PUM1: variants seen among roughly 807,000 people sequenced by gnomAD.
The protein encoded by PUM1 is pumilio homolog 1.
In PUM1, 13 loss-of-function variants were observed where a neutral mutation model predicts 131.8. The observed-to-expected ratio is 0.10, with a 90% CI of 0.06 to 0.16. The LOEUF (loss-of-function observed/expected upper bound fraction) is 0.16, where lower values mean the gene tolerates loss of function less well. Ranked by LOEUF, PUM1 falls within the 10% of genes least tolerant of loss-of-function variation. The pLI is 1.00. For synonymous variants in PUM1, 509 were observed against 556.5 expected (o/e 0.91, Z 1.20); for missense variants, 961 against 1,512.4 (o/e 0.64, Z 6.05).
At position 30,965,862 on chromosome 1, in the gene PUM1, G is replaced by A; in HGVS notation, c.2086+120C>T. ...ATCATCTCACAGATTATGTGGGATG[G>A]CTGGATTCCCACAAGGCTTGGTCCA... On this transcript the variant is annotated intron_variant, in intron 13 of 21. Transcript: ENST00000426105. 3 of 1,034,082 alleles carry A rather than the reference G, an allele frequency of 2.9e-6. No homozygotes were observed. The South Asian group carries it at 5.1e-5, about 18-fold the overall frequency. 64.1% of individuals were successfully genotyped at this position (1,034,082 alleles called of 1,614,324 possible).
At chr1:30,992,132 C>T (rs1053584323) in intron 7 of PUM1, among the ~76,000 whole-genome samples, 4 of 152,188 alleles carry the variant, frequency 2.6e-5, no homozygotes, top group Non-Finnish European at 5.9e-5. Context: ...CTACCTCATC[C>T]ACTCCCCAGC....
At chr1:31,004,719 A>C (rs1267043578) in intron 5 of PUM1, among the ~76,000 whole-genome samples, 1 of 152,188 alleles carries the variant, frequency 6.6e-6, no homozygotes, top group East Asian at 1.9e-4. Flanking sequence ...AAAATGAACT[A>C]CTGTTACTCT....
chr1:31,022,678 G>A (rs1213151369), intron 3 of PUM1, among the ~76,000 whole-genome samples: 1 of 152,072 alleles, frequency 6.6e-6, no homozygotes, highest in East Asian at 1.9e-4. Flanking sequence ...AAACAATACT[G>A]ATAAAAAGGT....
intron 3 of PUM1, among the ~76,000 whole-genome samples, chr1:31,016,110 C>T (rs1474536710): frequency 6.6e-6 from 1 of 152,190 alleles, no homozygotes; most frequent in Non-Finnish European, 1.5e-5. Flanking sequence ...ATTTGAAATG[C>T]TCTAAAATCC....
At chr1:31,000,958 G>C (rs1050653161) in intron 5 of PUM1, among the ~76,000 whole-genome samples, 1 of 151,984 alleles carries the variant, frequency 6.6e-6, no homozygotes, top group Non-Finnish European at 1.5e-5. Flanking sequence ...AGGCTGAGGC[G>C]GGCGGATCAC....
Position 30,981,349 on chromosome 1 carries a change from C to T in PUM1, c.1215G>A (p.Gln405=). 6.2e-7 allele frequency: 1 copy of T among 1,604,008 alleles called. No homozygotes were observed. Among genetic ancestry groups the T allele is most frequent in the East Asian group, 2.2e-5 (1 of 44,486 alleles). ...GATGAGCAGCTGCCAGTGCATACTG[C>T]TGCTGCTGAGCAGCTGTCAACTGCT... ...AVQQLTAAQQ[Q]QYALAAAHQP... The change falls in exon 8 of 22, where the codon CAG becomes CAA. Residue 405 remains glutamine, a synonymous_variant. Coordinates refer to ENST00000426105, the MANE Select transcript of PUM1 (RefSeq NM_001020658.2).
At chr1:31,001,325 C>T (rs1021375294) in intron 5 of PUM1, among the ~76,000 whole-genome samples, 13 of 151,920 alleles carry the variant, frequency 8.6e-5, no homozygotes, top group African/African-American at 2.7e-4. Flanking sequence ...GCTGAGATCA[C>T]ACCACTGCAT....
intron 17 of PUM1, 28 bp downstream of exon 17, chr1:30,950,099 C>T (rs1639865556): frequency 6.2e-7 from 1 of 1,602,580 alleles, no homozygotes; most frequent in African/African-American, 1.3e-5. Context: ...CATCAAACAC[C>T]AAGAGAAAAG....
chr1:30,953,886 G>C lies in PUM1; in HGVS notation c.2419C>G (p.Pro807Ala). Residue 807 changes from proline (P) to alanine (A), a missense_variant, in exon 15 of 22, where the codon CCG (proline) becomes GCG (alanine). Pro to Ala is a conservative substitution (Grantham distance 27). Around this residue, in one of 4 missense-constraint regions of PUM1, gnomAD observed 117 missense variants for 200.7 expected, o/e 0.58. Transcript: ENST00000426105. ...SASSASSLFS[P>A]SSTLFSSSRL... ...GAGGAAGAGAAAAGAGTGCTGCTCGGGCTGAAGAGGCTGGAGGCGCTGCTT... is the reference window on the plus strand; with the variant it reads ...GAGGAAGAGAAAAGAGTGCTGCTCGCGCTGAAGAGGCTGGAGGCGCTGCTT... 1 of 1,614,202 alleles carries C rather than the reference G, an allele frequency of 6.2e-7. No homozygotes were observed. The highest frequency in any genetic ancestry group is 8.5e-7 in the Non-Finnish European group (1 of 1,180,036).
At chr1:30,996,251 G>A (rs760561748) in intron 5 of PUM1, among the ~76,000 whole-genome samples, 4 of 152,184 alleles carry the variant, frequency 2.6e-5, no homozygotes, top group Non-Finnish European at 5.9e-5. Flanking sequence ...AAATGCACAT[G>A]GACCAAGTTC....
intron 3 of PUM1, among the ~76,000 whole-genome samples, chr1:31,012,478 G>A (rs1157075180): frequency 1.3e-5 from 2 of 148,898 alleles, no homozygotes; most frequent in Non-Finnish European, 3.0e-5. Flanking sequence ...AAATCTCTGG[G>A]AGAAACACAC....
At chr1:30,984,809 T>C (rs1290508885) in intron 7 of PUM1, among the ~76,000 whole-genome samples, 3 of 152,332 alleles carry the variant, frequency 2.0e-5, no homozygotes, top group Admixed American at 1.3e-4. Context: ...ATTATTACTG[T>C]TGTTGTTATC....
chr1:31,041,617 C>G (rs890939994), intron 2 of PUM1, among the ~76,000 whole-genome samples: 7 of 152,092 alleles, frequency 4.6e-5, no homozygotes, highest in African/African-American at 1.7e-4. Context: ...TTAATTCACA[C>G]AAGAGCTGGC....
chr1:30,942,193 A>G (rs4949187), intron 18 of PUM1, 70 bp from the exon 19 acceptor site: 6 of 179,042 alleles, frequency 3.4e-5, no homozygotes, highest in Middle Eastern at 1.4e-3. Context: ...AGTATTGTTT[A>G]TATATATATA....
rs538991190 is a variant in PUM1 at position 31,057,576 on chromosome 1, T to G, written c.363+1628A>C. 3.3e-5 allele frequency among the ~76,000 whole-genome samples: 5 copies of G among 150,864 alleles called. No individual in the cohort carries two copies. In the South Asian group the frequency reaches 6.3e-4, roughly 19 times the overall value. On this transcript the variant is annotated intron_variant, in intron 2 of 21. Coordinates refer to ENST00000426105, the MANE Select transcript of PUM1 (RefSeq NM_001020658.2). ...CCTCTCTCTGCTAAAAATACAAAAATTAGCCAGGTATGGAGGTGGGTGCCT... is the reference window on the plus strand; with the variant it reads ...CCTCTCTCTGCTAAAAATACAAAAAGTAGCCAGGTATGGAGGTGGGTGCCT...
intron 5 of PUM1, 50 bp downstream of exon 5, chr1:31,005,792 AGAGAGAGAGAG>A: frequency 2.0e-4 from 7 of 34,632 alleles, no homozygotes; most frequent in East Asian, 2.4e-3. Context: ...GGGGAAAAAA[AGAGAGAGAGAG>A]AGAGAGAGAG....
At chr1:30,959,859 A>G (rs1640333041) in intron 14 of PUM1, among the ~76,000 whole-genome samples, 2 of 151,294 alleles carry the variant, frequency 1.3e-5, no homozygotes, top group African/African-American at 4.9e-5. Context: ...GTGAGCCGAG[A>G]TTGCACCATT....
At chr1:31,001,740 C>T (rs1174187989) in intron 5 of PUM1, among the ~76,000 whole-genome samples, 1 of 152,054 alleles carries the variant, frequency 6.6e-6, no homozygotes, top group African/African-American at 2.4e-5. Flanking sequence ...TTCACAATGC[C>T]CTCACCAGCC....
At chr1:31,029,913 C>CAAA (rs10592751) in intron 2 of PUM1, among the ~76,000 whole-genome samples, 17 of 120,032 alleles carry the variant, frequency 1.4e-4, no homozygotes, top group Non-Finnish European at 2.2e-4. Context: ...GATCCTTTTT[C>CAAA]AAAAAAAAAA....
Sources: allele counts gnomAD v4.1 joint callset (sites outside exome capture counted in the v4.1 genomes callset), GRCh38; gene constraint gnomAD v4.1.1; regional missense constraint gnomAD v4.1.1; transcripts MANE v1.5; gene names NCBI Gene and HGNC (gene_info 2026-07-23, HGNC 2026-07-21).